Variants in TARDBP observed in about 807,000 individuals in gnomAD.
TARDBP encodes the protein TAR DNA-binding protein 43.
In TARDBP, 4 loss-of-function variants were observed where a neutral mutation model predicts 38.3. The observed-to-expected ratio is 0.10, with a 90% confidence interval of 0.05 to 0.24. The LOEUF (loss-of-function observed/expected upper bound fraction) is 0.24, where lower values mean the gene tolerates loss of function less well. Among genes scored for constraint, TARDBP ranks in the 10% least tolerant of loss-of-function variants. The pLI is 1.00. For missense variants in TARDBP, 202 were observed against 521.9 expected, an observed-to-expected ratio of 0.39 and a Z score of 5.97; for synonymous variants, 184 against 183.8, an observed-to-expected ratio of 1.00 and a Z score of -0.01.
chr1:11,024,842 C>G lies in TARDBP; in HGVS notation c.*2188C>G, dbSNP rs890283438. ...TGTAACTAATTCTGTGAGAGTTGAG[C>G]TCATTTTCTAGTTGGAAGAATGTGA... On this transcript the variant is annotated 3_prime_UTR_variant, in exon 6 of 6. Coordinates refer to ENST00000240185, the MANE Select transcript of TARDBP (RefSeq NM_007375.4). 6.6e-6 allele frequency: 1 copy of G among 152,644 alleles called. No individual in the cohort carries two copies. Among genetic ancestry groups the G allele is most frequent in the African/African-American group, 2.4e-5 (1 of 41,470 alleles). 9.5% of individuals were successfully genotyped at this position (152,644 alleles called of 1,614,324 possible).
At chr1:11,027,946 G>A (rs1022101341), downstream of TARDBP, among the ~76,000 whole-genome samples, 5 of 152,126 alleles carry the variant, frequency 3.3e-5, no homozygotes, top group South Asian at 2.1e-4. Flanking sequence ...AAAATTGGCC[G>A]GGTGCAGTGT....
chr1:11,021,723 C>T (rs759329091), intron 5 of TARDBP, among the ~76,000 whole-genome samples: 23 of 152,216 alleles, frequency 1.5e-4, no homozygotes, highest in Non-Finnish European at 2.6e-4. Context: ...GCTTCAGCCT[C>T]CCAAGTAGCT....
At chr1:11,027,290 A>G, downstream of TARDBP, 1 of 1,613,902 alleles carries the variant, frequency 6.2e-7, no homozygotes, top group Non-Finnish European at 8.5e-7. Context: ...TTCTTGGCAG[A>G]CAAATAGGCG....
At chr1:11,017,969 G>A (rs1391961151) in intron 3 of TARDBP, among the ~76,000 whole-genome samples, 4 of 151,730 alleles carry the variant, frequency 2.6e-5, no homozygotes, top group Admixed American at 6.6e-5. Context: ...TGCAAGCTCC[G>A]CTTCCCGGGT....
intron 2 of TARDBP, among the ~76,000 whole-genome samples, chr1:11,015,824 A>G (rs888544613): frequency 6.7e-6 from 1 of 149,224 alleles, no homozygotes; most frequent in African/African-American, 2.5e-5. Context: ...GCTCACTGCA[A>G]CCTCCGCCTC....
downstream of TARDBP, chr1:11,027,347 T>A (rs1278232417): frequency 1.2e-6 from 2 of 1,614,200 alleles, no homozygotes; most frequent in Non-Finnish European, 1.7e-6. Context: ...TAATCAGTGC[T>A]ATGTCATTGT....
At chr1:11,016,721 G>T in intron 2 of TARDBP, 123 bp from the exon 3 acceptor site, 1 of 1,041,988 alleles carries the variant, frequency 9.6e-7, no homozygotes. Flanking sequence ...TTCTTGCCAA[G>T]TTTTCAGTGT....
downstream of TARDBP, among the ~76,000 whole-genome samples, chr1:11,028,702 T>TTTTTTGTTTG (rs1557665441): frequency 9.1e-6 from 1 of 109,750 alleles, no homozygotes; most frequent in Non-Finnish European, 1.7e-5. Flanking sequence ...TCTGGGTTTT[T>TTTTTTGTTTG]TTTCTTTTTT....
At chr1:11,026,944 C>T, downstream of TARDBP, 1 of 1,524,604 alleles carries the variant, frequency 6.6e-7, no homozygotes, top group Non-Finnish European at 8.8e-7. Flanking sequence ...TTTGTGTAGA[C>T]TCCATACTGA....
downstream of TARDBP, chr1:11,026,328 T>C: frequency 6.6e-6 from 1 of 152,264 alleles, no homozygotes; most frequent in Middle Eastern, 3.2e-3. Flanking sequence ...AGTACTACTA[T>C]TCACGTTCCT....
intron 4 of TARDBP, 67 bp from the exon 5 acceptor site, chr1:11,020,362 A>T: frequency 2.5e-6 from 4 of 1,587,470 alleles, no homozygotes; most frequent in Non-Finnish European, 2.6e-6. Context: ...TATATCCCTT[A>T]CCTTAATGTT....
chr1:11,022,309 A>G lies in TARDBP; in HGVS notation c.900A>G (p.Gly300=), dbSNP rs146402671. The G allele has an allele frequency of 1.9e-5, 31 of 1,613,794 alleles. No homozygotes were observed. The highest frequency in any genetic ancestry group is 2.5e-5 in the Non-Finnish European group (30 of 1,179,874). Reference sequence around the variant, plus strand: ...GCAGAGGGGGTGGAGCTGGTTTGGGAAACAATCAAGGTAGTAATATGGGTG... The same window carrying G: ...GCAGAGGGGGTGGAGCTGGTTTGGGGAACAATCAAGGTAGTAATATGGGTG... ...GNSRGGGAGL[G]NNQGSNMGGG... The change falls in exon 6 of 6, where the codon GGA becomes GGG. Residue 300 remains glycine (G), a synonymous_variant. Coordinates refer to ENST00000240185, the MANE Select transcript of TARDBP (RefSeq NM_007375.4). This position sits in a 1 kb window ranked among gnomAD's most constrained non-coding sequence, Gnocchi z 4.5.
chr1:11,022,176 A>G lies in TARDBP; in HGVS notation c.767A>G (p.His256Arg). 1 of 1,614,028 alleles carries G rather than the reference A, an allele frequency of 6.2e-7. No homozygotes were observed. Among genetic ancestry groups the G allele is most frequent in the Non-Finnish European group, 8.5e-7 (1 of 1,179,874 alleles). Residue 256 changes from histidine (H) to arginine (R), a missense_variant, in exon 6 of 6, where the codon CAT becomes CGT. Physicochemically the swap from His to Arg is conservative, Grantham distance 29. This residue lies in a region of TARDBP where 12 missense variants were observed against 97.3 expected (regional missense o/e 0.12). Transcript: ENST00000240185. This position sits in a 1 kb window ranked among gnomAD's most constrained non-coding sequence, Gnocchi z 4.5. ...EDLIIKGISV[H>R]ISNAEPKHNS... ...TTGATCATTAAAGGAATCAGCGTTCATATATCCAATGCCGAACCTAAGCAC... is the reference window on the plus strand; with the variant it reads ...TTGATCATTAAAGGAATCAGCGTTCGTATATCCAATGCCGAACCTAAGCAC...
downstream of TARDBP, chr1:11,027,116 TC>T: frequency 6.2e-7 from 1 of 1,610,810 alleles, no homozygotes; most frequent in Non-Finnish European, 8.5e-7. Context: ...CAGTTACACT[TC>T]CCCTTGGATA....
intron 2 of TARDBP, 54 bp downstream of exon 2, chr1:11,014,019 C>G (rs1334860962): frequency 1.9e-6 from 3 of 1,546,758 alleles, no homozygotes; most frequent in Admixed American, 1.7e-5. Context: ...AGGTGTGTGT[C>G]TCATCCATGG....
chr1:11,021,701 G>T (rs570745424), intron 5 of TARDBP, among the ~76,000 whole-genome samples: 11 of 152,322 alleles, frequency 7.2e-5, no homozygotes, highest in Admixed American at 3.3e-4. Context: ...CCTCCAGGGG[G>T]AGGATCCTCC....
chr1:11,025,906 A>C (rs1456198554), downstream of TARDBP: 1 of 154,822 alleles, frequency 6.5e-6, no homozygotes, highest in African/African-American at 2.4e-5. Flanking sequence ...GTAGCCCCTA[A>C]GTGTGTATTA....
At chr1:11,019,631 A>G (rs572385782) in intron 4 of TARDBP, among the ~76,000 whole-genome samples, 68 of 152,140 alleles carry the variant, frequency 4.5e-4, no homozygotes, top group Middle Eastern at 3.4e-3. Flanking sequence ...CAGTGGTGCA[A>G]TCTCAGCTCA....
chr1:11,026,820 C>T (rs894062190), downstream of TARDBP: 13 of 1,375,932 alleles, frequency 9.4e-6, no homozygotes, highest in Non-Finnish European at 1.3e-5. Context: ...TCTCGAGCCA[C>T]GTCGCTGCCA....
Sources: gnomAD v4.1 joint callset for allele counts (sites outside exome capture counted in the v4.1 genomes callset) on GRCh38, gnomAD v4.1.1 for gene constraint, gnomAD v4.1.1 regional missense constraint, Gnocchi (gnomAD v3.1) non-coding constraint, MANE v1.5 for transcripts, NCBI Gene and HGNC (gene_info 2026-07-23, HGNC 2026-07-21) for gene names.